Variants in AGO2 observed in about 807,000 individuals in gnomAD.
AGO2 encodes the protein argonaute RISC catalytic component 2.
Under a neutral mutation model 102.3 loss-of-function variants are expected in AGO2, and 5 were observed. The observed-to-expected ratio is 0.05, with a 90% CI of 0.03 to 0.10. The LOEUF (loss-of-function observed/expected upper bound fraction) is 0.10, where lower values mean the gene tolerates loss of function less well. AGO2 is among the 10% of genes least tolerant of loss of function. The pLI, the probability that AGO2 is intolerant of heterozygous loss-of-function variation, is 1.00. For missense variants in AGO2, 541 were observed against 1,183.7 expected (o/e 0.46, Z 7.97); for synonymous variants, 449 against 473.1 (o/e 0.95, Z 0.66).
At chr8:140,625,117 G>A (rs2074259887) in intron 1 of AGO2, among the ~76,000 whole-genome samples, 1 of 152,162 alleles carries the variant, frequency 6.6e-6, no homozygotes. Context: ...AGTCCCTGCT[G>A]CACGTCCCTG....
At position 140,526,448 on chromosome 8, in the gene AGO2, G is replaced by A. The variant is rs1332759045; in HGVS notation, c.*5596C>T. On this transcript the variant is annotated 3_prime_UTR_variant, in exon 19 of 19. Coordinates refer to ENST00000220592, the MANE Select transcript of AGO2 (RefSeq NM_012154.5). The surrounding 1 kb of genome is among the most constrained non-coding windows in gnomAD (Gnocchi z 5.2). The stretch of plus-strand genomic sequence containing the variant: ...TAGAATCTCAAAGCTGCGCAGAACA[G>A]AGGTGACCCTGGTCCACCTGACACA... 1.3e-5 allele frequency: 2 copies of A among 152,188 alleles called. No individual in the cohort carries two copies. Among genetic ancestry groups the A allele is most frequent in the Non-Finnish European group, 2.9e-5 (2 of 68,066 alleles). 9.4% of individuals were successfully genotyped at this position (152,188 alleles called of 1,614,324 possible).
chr8:140,608,776 C>T (rs754362677), intron 1 of AGO2, among the ~76,000 whole-genome samples: 30 of 152,340 alleles, frequency 2.0e-4, no homozygotes, highest in Admixed American at 3.9e-4. Context: ...GGTGTCCCTG[C>T]GAGACCTATT....
chr8:140,548,146 T>C (rs982195504), intron 12 of AGO2, among the ~76,000 whole-genome samples: 5 of 151,746 alleles, frequency 3.3e-5, no homozygotes, highest in Non-Finnish European at 7.4e-5. Flanking sequence ...CAAAACCCTG[T>C]CTCTACTAAT....
At chr8:140,594,235 A>G (rs2073788805) in intron 1 of AGO2, among the ~76,000 whole-genome samples, 1 of 152,222 alleles carries the variant, frequency 6.6e-6, no homozygotes, top group Non-Finnish European at 1.5e-5. Context: ...GACAGGAGAG[A>G]AATAACTCAG....
At chr8:140,542,249 C>T (rs1173532760) in intron 14 of AGO2, among the ~76,000 whole-genome samples, 1 of 152,080 alleles carries the variant, frequency 6.6e-6, no homozygotes, top group East Asian at 1.9e-4. Flanking sequence ...AAGGAAAGGT[C>T]CTTAAATTTT....
Position 140,525,485 on chromosome 8 carries a change from T to G in AGO2, c.*6559A>C, listed in dbSNP as rs1245502976. ...CGCACAGAACAGCGTGGCGGCAGAA[T>G]TACAAAACATTCTCAGAGAGACTGC... is the stretch of plus-strand genomic sequence containing the variant. On this transcript the variant is annotated 3_prime_UTR_variant, in exon 19 of 19. Coordinates refer to ENST00000220592, the MANE Select transcript of AGO2 (RefSeq NM_012154.5). 1.3e-5 allele frequency: 2 copies of G among 152,124 alleles called. No homozygotes were observed. Among genetic ancestry groups the G allele is most frequent in the Non-Finnish European group, 2.9e-5 (2 of 68,032 alleles). 9.4% of individuals were successfully genotyped at this position (152,124 alleles called of 1,614,324 possible).
At chr8:140,552,927 TG>T (rs1160945555) in intron 10 of AGO2, among the ~76,000 whole-genome samples, 5 of 152,126 alleles carry the variant, frequency 3.3e-5, no homozygotes, top group African/African-American at 1.2e-4. Context: ...AGATGTCCCC[TG>T]GGGGGCAAAA....
In AGO2 at chr8:140,613,423, GTT is replaced by G. The variant is rs1362757267; in HGVS notation, c.22+22060_22+22061del. Among the ~76,000 whole-genome samples the G allele has an allele frequency of 2.6e-5, 4 of 152,284 alleles. No homozygotes were observed. The South Asian group carries it at 8.3e-4, about 32-fold the overall frequency. ...ATAATGACATGTTGTTGTATCAAAT[GTT>G]TTTTAAACTCCTGTTTTAATTTGTA... is the stretch of plus-strand genomic sequence containing the variant. On this transcript the variant is annotated intron_variant, in intron 1 of 18. Coordinates refer to ENST00000220592, the MANE Select transcript of AGO2 (RefSeq NM_012154.5).
At chr8:140,535,659 G>A in intron 16 of AGO2, 90 bp from the exon 17 acceptor site, 2 of 1,270,066 alleles carry the variant, frequency 1.6e-6, no homozygotes, top group Middle Eastern at 1.9e-4. Context: ...CGCTGGCCAG[G>A]GTGCCCTATT....
chr8:140,552,300 C>A (rs572491047), intron 10 of AGO2, among the ~76,000 whole-genome samples: 2 of 152,222 alleles, frequency 1.3e-5, no homozygotes, highest in Admixed American at 6.5e-5. Flanking sequence ...TGTGCAAATG[C>A]GCTGTCAGCT....
chr8:140,551,206 A>G (rs1394953210), intron 11 of AGO2, 97 bp downstream of exon 11: 3 of 1,349,610 alleles, frequency 2.2e-6, no homozygotes, highest in East Asian at 5.2e-5. Context: ...CAGCACCCTC[A>G]CCCCCACCCC....
rs1195828195 is a variant in AGO2, at chr8:140,540,244, G to A, written c.2035-790C>T. ...CGAGCTCTGCTTCCGCTCTGGACTG[G>A]GAAGGCAAATGGGGGAGGCTGGGCT... is the stretch of plus-strand genomic sequence containing the variant. On this transcript the variant is annotated intron_variant, in intron 15 of 18. Transcript: ENST00000220592. This position sits in a 1 kb window ranked among gnomAD's most constrained non-coding sequence, Gnocchi z 5.0. 6.6e-6 allele frequency among the ~76,000 whole-genome samples: 1 copy of A among 152,196 alleles called. No individual in the cohort carries two copies. Among genetic ancestry groups the A allele is most frequent in the South Asian group, 2.1e-4 (1 of 4,826 alleles).
At chr8:140,594,562 T>C (rs925860220) in intron 1 of AGO2, among the ~76,000 whole-genome samples, 1 of 151,814 alleles carries the variant, frequency 6.6e-6, no homozygotes, top group African/African-American at 2.4e-5. Context: ...CCGGGGCAGG[T>C]GGATCACTTG....
At chr8:140,563,397 AT>A (rs1467083124) in intron 3 of AGO2, among the ~76,000 whole-genome samples, 1 of 152,076 alleles carries the variant, frequency 6.6e-6, no homozygotes, top group Non-Finnish European at 1.5e-5. Flanking sequence ...AACTCGGCTA[AT>A]TTTTTAATTT....
intron 10 of AGO2, among the ~76,000 whole-genome samples, chr8:140,555,012 A>C (rs539158421): frequency 2.6e-4 from 40 of 152,272 alleles, no homozygotes; most frequent in African/African-American, 7.0e-4. Context: ...GACAAGAAAA[A>C]CAAACAAACA....
chr8:140,612,388 G>A (rs1244959839), intron 1 of AGO2, among the ~76,000 whole-genome samples: 1 of 152,174 alleles, frequency 6.6e-6, no homozygotes, highest in Non-Finnish European at 1.5e-5. Flanking sequence ...GTGCATGATG[G>A]ACAAAACACA....
At position 140,585,277 on chromosome 8, in the gene AGO2, T is replaced by A; in HGVS notation, c.57A>T (p.Gln19His). ...LAPPAPPPPIQGYAFKPPPRP... is the reference protein window; with the variant it reads ...LAPPAPPPPIHGYAFKPPPRP... Reference sequence around the variant, plus strand: ...TAGGTGGAGGCTTGAAGGCATATCCTTGGATGGGGGGCGGCGGCGCAGGAG... The same window carrying A: ...TAGGTGGAGGCTTGAAGGCATATCCATGGATGGGGGGCGGCGGCGCAGGAG... The change falls in exon 2 of 19, where the codon CAA becomes CAT. Residue 19 changes from glutamine to histidine, a missense_variant. This residue lies in a region of AGO2 where 147 missense variants were observed against 204.1 expected (regional missense o/e 0.72). Transcript: ENST00000220592. The A allele has an allele frequency of 6.2e-7, 1 of 1,614,044 alleles. No homozygotes were observed. Among genetic ancestry groups the A allele is most frequent in the Non-Finnish European group, 8.5e-7 (1 of 1,179,952 alleles).
chr8:140,614,261 T>C (rs931183823), intron 1 of AGO2, among the ~76,000 whole-genome samples: 1 of 151,984 alleles, frequency 6.6e-6, no homozygotes, highest in Non-Finnish European at 1.5e-5. Context: ...GAGGTAGAGG[T>C]TGCAGTGAGC....
chr8:140,590,568 G>A (rs1055812784), intron 1 of AGO2, among the ~76,000 whole-genome samples: 3 of 152,208 alleles, frequency 2.0e-5, no homozygotes, highest in African/African-American at 7.2e-5. Flanking sequence ...CATGCCCCAC[G>A]GTGGAAGGGA....
Sources: allele counts gnomAD v4.1 joint callset (sites outside exome capture counted in the v4.1 genomes callset), GRCh38; gene constraint gnomAD v4.1.1; regional missense constraint gnomAD v4.1.1; non-coding constraint Gnocchi (gnomAD v3.1); transcripts MANE v1.5; gene names NCBI Gene and HGNC (gene_info 2026-07-23, HGNC 2026-07-21).